ZNF804B: variants seen among roughly 807,000 people sequenced by gnomAD.
The protein encoded by ZNF804B is zinc finger 804B.
ZNF804B carries 80 observed loss-of-function variants against 101.4 expected under a neutral mutation model. That is an observed-to-expected ratio of 0.79 (90% CI 0.66 to 0.95). The LOEUF is 0.95. Ranked by LOEUF, ZNF804B falls within the 40% of genes least tolerant of loss-of-function variation. ZNF804B has a pLI of 0.00. For missense variants in ZNF804B, 1,673 were observed against 1,561.9 expected, an observed-to-expected ratio of 1.07 and a Z score of -1.20; for synonymous variants, 622 against 558.8, an observed-to-expected ratio of 1.11 and a Z score of -1.59.
chr7:89,007,112 C>T (rs538985543), intron 1 of ZNF804B, among the ~76,000 whole-genome samples: 2 of 152,082 alleles, frequency 1.3e-5, no homozygotes, highest in African/African-American at 4.8e-5. Context: ...TCTCAGCCTC[C>T]ACTGCAGAGG....
intron 1 of ZNF804B, among the ~76,000 whole-genome samples, chr7:89,018,171 T>G (rs973695917): frequency 6.6e-5 from 10 of 152,276 alleles, no homozygotes; most frequent in Middle Eastern, 3.4e-3. Flanking sequence ...ATGAACTTTA[T>G]TGTTTTGAGG....
intron 1 of ZNF804B, among the ~76,000 whole-genome samples, chr7:88,959,420 TTA>T (rs1188962698): frequency 1.3e-5 from 2 of 151,460 alleles, no homozygotes; most frequent in Non-Finnish European, 3.0e-5. Context: ...CTAGAAATGT[TTA>T]TGTGTTTTTA....
At chr7:88,916,936 C>A (rs1366801870) in intron 1 of ZNF804B, among the ~76,000 whole-genome samples, 1 of 151,970 alleles carries the variant, frequency 6.6e-6, no homozygotes, top group Non-Finnish European at 1.5e-5. Context: ...GGTCTAGAAG[C>A]TTTAAAATTA....
At chr7:89,052,806 T>A (rs6465180) in intron 1 of ZNF804B, among the ~76,000 whole-genome samples, 116,521 of 152,064 alleles carry the variant, frequency 0.77, 44,709 homozygotes, top group African/African-American at 0.79. Flanking sequence ...AGATTTTCTA[T>A]GAAAACTGAT....
chr7:88,780,394 T>TC (rs1044455187), intron 1 of ZNF804B, among the ~76,000 whole-genome samples: 3 of 146,538 alleles, frequency 2.0e-5, no homozygotes, highest in African/African-American at 7.6e-5. Context: ...GTCTTTTTTT[T>TC]TTTTTTTTTT....
chr7:89,029,608 A>G (rs1275222620), intron 1 of ZNF804B, among the ~76,000 whole-genome samples: 1 of 152,134 alleles, frequency 6.6e-6, no homozygotes, highest in African/African-American at 2.4e-5. Flanking sequence ...GATTGCATGT[A>G]TTTTATACTA....
At chr7:89,104,967 C>G (rs1281844097) in intron 1 of ZNF804B, among the ~76,000 whole-genome samples, 4 of 152,066 alleles carry the variant, frequency 2.6e-5, no homozygotes, top group African/African-American at 9.7e-5. Context: ...ACACTGCTGC[C>G]AAATTAGTTA....
intron 1 of ZNF804B, among the ~76,000 whole-genome samples, chr7:88,939,716 T>C (rs971353449): frequency 1.3e-5 from 2 of 151,310 alleles, no homozygotes; most frequent in Non-Finnish European, 1.5e-5. Context: ...GAAAAAGATA[T>C]AATAGGAAAA....
rs113637441 is a variant in ZNF804B, at chr7:89,312,961, C to T, written c.250-14383C>T. ...TTTGATTGTAGTGTTATTCAAATTA[C>T]AACTTATCCTGTTCTAGATTATTGT... On this transcript the variant is annotated intron_variant, in intron 2 of 3. Transcript: ENST00000333190. Among the ~76,000 whole-genome samples, 1,447 of 152,194 alleles carry T rather than the reference C, an allele frequency of 9.5e-3. 27 individuals are homozygous for T. The highest frequency in any genetic ancestry group is 0.033 in the African/African-American group (1,367 of 41,510).
intron 2 of ZNF804B, among the ~76,000 whole-genome samples, chr7:89,326,501 C>A (rs1790897886): frequency 1.3e-5 from 2 of 152,030 alleles, no homozygotes; most frequent in South Asian, 4.1e-4. Context: ...TCAACAGATA[C>A]AGATTTTAGA....
chr7:89,119,786 CTGGCA>C (rs1240202153), intron 1 of ZNF804B, among the ~76,000 whole-genome samples: 1 of 152,068 alleles, frequency 6.6e-6, no homozygotes, highest in Non-Finnish European at 1.5e-5. Flanking sequence ...TTTGATAATC[CTGGCA>C]TGGAAAGTTA....
At chr7:89,154,207 C>A (rs1217204734) in intron 1 of ZNF804B, among the ~76,000 whole-genome samples, 2 of 152,016 alleles carry the variant, frequency 1.3e-5, no homozygotes, top group African/African-American at 4.8e-5. Flanking sequence ...GTTAAAATGG[C>A]TTATATCCAA....
intron 1 of ZNF804B, among the ~76,000 whole-genome samples, chr7:88,806,261 T>G (rs538563015): frequency 6.6e-6 from 1 of 152,180 alleles, no homozygotes; most frequent in Non-Finnish European, 1.5e-5. Context: ...ATTAAAATTA[T>G]TTGGATTACC....
At position 89,335,177 on chromosome 7, in the gene ZNF804B, A is replaced by T. The variant is rs1273834064; in HGVS notation, c.2195A>T (p.Asn732Ile). The T allele has an allele frequency of 6.2e-7, 1 of 1,613,878 alleles. No homozygotes were observed. The highest frequency in any genetic ancestry group is 2.2e-5 in the East Asian group (1 of 44,862). The change falls in exon 4 of 4, where the codon AAT becomes ATT. Residue 732 changes from asparagine to isoleucine, a missense_variant. Coordinates refer to ENST00000333190, the MANE Select transcript of ZNF804B (RefSeq NM_181646.5). ...AGTACTTGTTCAAGTCATAGATTCA[A>T]TGGTAATAGCAGAGGTAATTTGCTC... ...LRSTCSSHRF[N>I]GNSRGNLLCF...
intron 1 of ZNF804B, among the ~76,000 whole-genome samples, chr7:88,835,932 AAG>A (rs1486573350): frequency 2.0e-5 from 3 of 151,954 alleles, no homozygotes; most frequent in African/African-American, 7.2e-5. Context: ...GTCTATGGGA[AAG>A]AGTAAAGAGG....
At chr7:88,917,196 C>T (rs1316039281) in intron 1 of ZNF804B, among the ~76,000 whole-genome samples, 1 of 151,678 alleles carries the variant, frequency 6.6e-6, no homozygotes, top group Non-Finnish European at 1.5e-5. Context: ...ACCCAGGAGG[C>T]GGAGGTTGCA....
chr7:88,874,304 T>A (rs1044523420), intron 1 of ZNF804B, among the ~76,000 whole-genome samples: 3 of 151,940 alleles, frequency 2.0e-5, no homozygotes, highest in African/African-American at 7.3e-5. Context: ...TGCTTTTGAT[T>A]TTTGTACATT....
intron 1 of ZNF804B, among the ~76,000 whole-genome samples, chr7:88,811,244 A>G (rs1233405209): frequency 1.3e-5 from 2 of 152,190 alleles, no homozygotes; most frequent in South Asian, 2.1e-4. Context: ...TTTGCAGCCA[A>G]TAAACAAGCA....
intron 1 of ZNF804B, among the ~76,000 whole-genome samples, chr7:88,848,989 A>G (rs1174790663): frequency 1.3e-5 from 2 of 152,196 alleles, no homozygotes; most frequent in Non-Finnish European, 1.5e-5. Flanking sequence ...AGATCATAGC[A>G]TGAAGAAAAT....
Sources: allele counts gnomAD v4.1 joint callset (sites outside exome capture counted in the v4.1 genomes callset), GRCh38; gene constraint gnomAD v4.1.1; transcripts MANE v1.5; gene names NCBI Gene and HGNC (gene_info 2026-07-23, HGNC 2026-07-21).